LNPK: variants seen among roughly 807,000 people sequenced by gnomAD.
The protein encoded by LNPK is lunapark, ER junction formation factor.
Under a neutral mutation model 55.2 loss-of-function variants are expected in LNPK, and 29 were observed. That is an observed-to-expected ratio of 0.53 (90% confidence interval 0.39 to 0.72). LNPK has a LOEUF of 0.72. LNPK is among the 30% of genes least tolerant of loss of function. LNPK has a pLI of 0.00. For missense variants in LNPK, 467 were observed against 494.8 expected, an observed-to-expected ratio of 0.94 and a Z score of 0.53; for synonymous variants, 162 against 168.2, an observed-to-expected ratio of 0.96 and a Z score of 0.29.
chr2:175,940,969 C>A, intron 9 of LNPK: 2 of 454,306 alleles, frequency 4.4e-6, no homozygotes, highest in Non-Finnish European at 8.8e-6. Flanking sequence ...AAATGACAAC[C>A]AGGCGCAGTA....
intron 4 of LNPK, among the ~76,000 whole-genome samples, chr2:175,980,187 T>C (rs183890084): frequency 2.9e-3 from 437 of 152,304 alleles, no homozygotes; most frequent in Non-Finnish European, 3.9e-3. Context: ...CCGCAAAAGA[T>C]TGAGAATATT....
intron 1 of LNPK, among the ~76,000 whole-genome samples, chr2:176,001,565 T>A (rs1161782182): frequency 1.3e-5 from 2 of 151,902 alleles, no homozygotes; most frequent in Non-Finnish European, 2.9e-5. Context: ...CAGCCCACCA[T>A]CCCTGAAATA....
At chr2:175,933,191 T>C (rs189695378) in intron 12 of LNPK, among the ~76,000 whole-genome samples, 164 of 152,202 alleles carry the variant, frequency 1.1e-3, no homozygotes, top group Admixed American at 2.5e-3. Context: ...ATAGTAACAA[T>C]TGGCTTCCAG....
intron 2 of LNPK, among the ~76,000 whole-genome samples, chr2:175,993,485 C>T: frequency 6.6e-6 from 1 of 152,022 alleles, no homozygotes; most frequent in East Asian, 1.9e-4. Context: ...CAATTTTTAC[C>T]ATTCTTAACC....
At chr2:175,970,861 G>T in intron 5 of LNPK, 57 bp from the exon 6 acceptor site, 5 of 1,329,354 alleles carry the variant, frequency 3.8e-6, no homozygotes, top group South Asian at 1.5e-5. Flanking sequence ...AAAAAATCAC[G>T]CCAAATGACA....
At chr2:175,951,595 A>ATCTATATAGATATATATC (rs1685413652) in intron 8 of LNPK, among the ~76,000 whole-genome samples, 10 of 97,484 alleles carry the variant, frequency 1.0e-4, no homozygotes, top group African/African-American at 3.2e-4. Context: ...ATATATATAT[A>ATCTATATAGATATATATC]TATATATATA....
At chr2:175,985,436 G>A (rs1035700738) in intron 4 of LNPK, among the ~76,000 whole-genome samples, 1 of 152,064 alleles carries the variant, frequency 6.6e-6, no homozygotes, top group African/African-American at 2.4e-5. Flanking sequence ...GAAAGACGTT[G>A]GTCTGTTTTG....
intron 6 of LNPK, among the ~76,000 whole-genome samples, chr2:175,965,797 G>T (rs1163550701): frequency 2.0e-5 from 1 of 48,898 alleles, no homozygotes; most frequent in Non-Finnish European, 4.0e-5. Flanking sequence ...TCACTTTAGA[G>T]TTAGAAAAAA....
At chr2:175,983,920 T>G (rs1396122401) in intron 4 of LNPK, among the ~76,000 whole-genome samples, 1 of 149,786 alleles carries the variant, frequency 6.7e-6, no homozygotes, top group Non-Finnish European at 1.5e-5. Flanking sequence ...CAAAATGGAT[T>G]ATGAAATTAA....
intron 10 of LNPK, among the ~76,000 whole-genome samples, chr2:175,939,283 T>C (rs1176833976): frequency 2.6e-5 from 4 of 152,170 alleles, no homozygotes; most frequent in East Asian, 1.9e-4. Flanking sequence ...TTTTTGCTTT[T>C]TAAGTTTAAA....
chr2:175,999,537 T>C (rs1428373861), intron 1 of LNPK, among the ~76,000 whole-genome samples: 1 of 152,138 alleles, frequency 6.6e-6, no homozygotes, highest in South Asian at 2.1e-4. Flanking sequence ...CTAATCCATC[T>C]CTCCTTTCTT....
At chr2:175,941,803 A>G (rs1014514347) in intron 9 of LNPK, among the ~76,000 whole-genome samples, 3 of 147,462 alleles carry the variant, frequency 2.0e-5, no homozygotes, top group Non-Finnish European at 3.0e-5. Flanking sequence ...AAAAAAAAAA[A>G]AAAAGAAAAA....
chr2:175,970,668 C>A (rs1686616738), intron 6 of LNPK, 96 bp downstream of exon 6: 2 of 629,618 alleles, frequency 3.2e-6, no homozygotes, highest in Non-Finnish European at 4.6e-6. Context: ...AAGCATATTT[C>A]TTCCTTGGAG....
chr2:175,973,005 T>C (rs555996030), intron 5 of LNPK, among the ~76,000 whole-genome samples: 112 of 152,328 alleles, frequency 7.4e-4, no homozygotes, highest in Non-Finnish European at 1.4e-3. Flanking sequence ...CAAATTTGTG[T>C]GGGAATGGCA....
At chr2:175,947,743 C>A in intron 8 of LNPK, 51 bp from the exon 9 acceptor site, 4 of 1,246,574 alleles carry the variant, frequency 3.2e-6, no homozygotes, top group South Asian at 1.7e-5. Context: ...ACCATATTAG[C>A]CAGTATCACA....
chr2:175,994,997 C>T (rs1424857944), intron 2 of LNPK, among the ~76,000 whole-genome samples: 1 of 145,164 alleles, frequency 6.9e-6, no homozygotes, highest in East Asian at 2.1e-4. Flanking sequence ...GCTTGGCTCA[C>T]TGCAACCTCC....
At chr2:175,975,180 C>T (rs906738645) in intron 5 of LNPK, among the ~76,000 whole-genome samples, 5 of 152,062 alleles carry the variant, frequency 3.3e-5, no homozygotes, top group Non-Finnish European at 7.4e-5. Flanking sequence ...TTTTTTAAAA[C>T]TACAGCAAAC....
chr2:175,955,635 T>C (rs1430726425), intron 8 of LNPK, among the ~76,000 whole-genome samples: 1 of 152,130 alleles, frequency 6.6e-6, no homozygotes, highest in African/African-American at 2.4e-5. Flanking sequence ...TATAAGGCAT[T>C]TTTCACGTTC....
intron 5 of LNPK, 137 bp downstream of exon 5, chr2:175,979,673 C>G: frequency 3.1e-6 from 2 of 642,012 alleles, no homozygotes; most frequent in Non-Finnish European, 4.8e-6. Context: ...TATAACCTTT[C>G]TCATGCTTTA....
Sources: gnomAD v4.1 joint callset for allele counts (sites outside exome capture counted in the v4.1 genomes callset) on GRCh38, gnomAD v4.1.1 for gene constraint, MANE v1.5 for transcripts, NCBI Gene and HGNC (gene_info 2026-07-23, HGNC 2026-07-21) for gene names.